FBXL17: variants seen among roughly 807,000 people sequenced by gnomAD.
FBXL17 encodes F-box and leucine rich repeat protein 17, also known as F-box/LRR-repeat protein 17.
FBXL17 carries 22 observed loss-of-function variants against 66.2 expected under a neutral mutation model. That is an observed-to-expected ratio of 0.33 (90% confidence interval 0.24 to 0.47). FBXL17 has a LOEUF of 0.47. FBXL17 is among the 20% of genes least tolerant of loss of function. FBXL17 has a pLI of 1.00. For synonymous variants in FBXL17, 474 were observed against 400.5 expected (o/e 1.18, Z -2.19); for missense variants, 878 against 948.2 (o/e 0.93, Z 0.97).
At chr5:108,269,008 A>C (rs1206320098) in intron 4 of FBXL17, among the ~76,000 whole-genome samples, 2 of 150,970 alleles carry the variant, frequency 1.3e-5, no homozygotes, top group Non-Finnish European at 3.0e-5. Context: ...AAATATAACA[A>C]AGCAAAGGGA....
At chr5:107,935,039 G>A (rs537634353) in intron 7 of FBXL17, among the ~76,000 whole-genome samples, 1 of 152,008 alleles carries the variant, frequency 6.6e-6, no homozygotes, top group African/African-American at 2.4e-5. Flanking sequence ...GAAAAGAATG[G>A]TCTGTAGATC....
At chr5:108,087,410 G>A (rs80312513) in intron 6 of FBXL17, among the ~76,000 whole-genome samples, 1,998 of 152,112 alleles carry the variant, frequency 0.013, 49 homozygotes, top group African/African-American at 0.046. Flanking sequence ...TGAGTGAGGC[G>A]GAGCATAAAC....
intron 7 of FBXL17, among the ~76,000 whole-genome samples, chr5:107,920,185 T>C (rs1750264950): frequency 6.6e-6 from 1 of 152,202 alleles, no homozygotes; most frequent in South Asian, 2.1e-4. Context: ...ATCACATTCA[T>C]ATTGAAACTG....
chr5:108,142,577 G>A (rs780989633), intron 6 of FBXL17, among the ~76,000 whole-genome samples: 19 of 152,010 alleles, frequency 1.2e-4, no homozygotes, highest in South Asian at 2.1e-4. Context: ...TGATTTTTTC[G>A]CCTAGAGCCT....
chr5:108,164,393 T>G (rs2150010042), intron 6 of FBXL17, among the ~76,000 whole-genome samples: 1 of 152,292 alleles, frequency 6.6e-6, no homozygotes, highest in East Asian at 1.9e-4. Flanking sequence ...ATTTGGTAAT[T>G]AACGATGTCT....
chr5:108,205,635 T>C (rs1437995741), intron 5 of FBXL17, among the ~76,000 whole-genome samples: 3 of 152,170 alleles, frequency 2.0e-5, no homozygotes, highest in Non-Finnish European at 2.9e-5. Flanking sequence ...ATTTAGCTGA[T>C]TGTCTTTTTG....
intron 7 of FBXL17, among the ~76,000 whole-genome samples, chr5:107,985,501 C>G (rs1391539681): frequency 2.0e-5 from 3 of 152,216 alleles, no homozygotes; most frequent in Admixed American, 2.0e-4. Context: ...TCTATTCTCT[C>G]TATGCCTATG....
At chr5:108,154,604 A>T (rs867845307) in intron 6 of FBXL17, among the ~76,000 whole-genome samples, 2,783 of 72,326 alleles carry the variant, frequency 0.038, 42 homozygotes, top group Middle Eastern at 0.048. Context: ...AAAAAAAAAA[A>T]AAATATATAT....
chr5:107,987,991 G>T (rs963993274), intron 7 of FBXL17, among the ~76,000 whole-genome samples: 1 of 151,756 alleles, frequency 6.6e-6, no homozygotes, highest in Non-Finnish European at 1.5e-5. Flanking sequence ...GAGTACTGTT[G>T]GATTTATTTT....
chr5:108,016,542 C>T (rs1668671071), intron 7 of FBXL17, among the ~76,000 whole-genome samples: 1 of 152,176 alleles, frequency 6.6e-6, no homozygotes, highest in African/African-American at 2.4e-5. Flanking sequence ...CATTTTACAA[C>T]TGCCCCCTGA....
At position 108,349,834 on chromosome 5, in the gene FBXL17, A is replaced by C. The variant is rs560373371; in HGVS notation, c.1375-1304T>G. 3.0e-3 allele frequency among the ~76,000 whole-genome samples: 453 copies of C among 152,258 alleles called. 2 individuals carry two copies. Among genetic ancestry groups the C allele is most frequent in the African/African-American group, 0.01 (435 of 41,554 alleles). On this transcript the variant is annotated intron_variant, in intron 3 of 8. Transcript: ENST00000542267. ...GGAGAGAATTCAGGGGTTCCAGGAAAGCAGATTTTTTAAAAGTGCATGTTC... is the reference window on the plus strand; with the variant it reads ...GGAGAGAATTCAGGGGTTCCAGGAACGCAGATTTTTTAAAAGTGCATGTTC...
chr5:107,863,458 C>G (rs1042408524), intron 8 of FBXL17, among the ~76,000 whole-genome samples: 1 of 151,240 alleles, frequency 6.6e-6, no homozygotes, highest in Admixed American at 6.6e-5. Flanking sequence ...TCTTTGAGTT[C>G]TTAGCTTCAA....
intron 6 of FBXL17, among the ~76,000 whole-genome samples, chr5:108,042,051 G>T (rs192792146): frequency 6.6e-6 from 1 of 151,948 alleles, no homozygotes; most frequent in South Asian, 2.1e-4. Flanking sequence ...ATGTGCCACC[G>T]TGCTCGGCTA....
Position 108,100,988 on chromosome 5 carries a change from A to G in FBXL17, c.1746-79987T>C, listed in dbSNP as rs536278986. On this transcript the variant is annotated intron_variant, in intron 6 of 8. Transcript: ENST00000542267. ...GCAAAAAAAAATTTGTGATTACCAC[A>G]GCTTTCAGAGGGAAGACCTTTTGAG... is the stretch of plus-strand genomic sequence containing the variant. Among the ~76,000 whole-genome samples, 9 of 152,350 alleles carry G rather than the reference A, an allele frequency of 5.9e-5. 1 individual carries two copies. In the South Asian group the frequency reaches 1.9e-3, roughly 32 times the overall value.
At chr5:108,194,739 C>T in intron 5 of FBXL17, among the ~76,000 whole-genome samples, 1 of 152,132 alleles carries the variant, frequency 6.6e-6, no homozygotes, top group East Asian at 1.9e-4. Flanking sequence ...TTAAATGTTT[C>T]CTGAGCACCT....
chr5:108,285,455 G>A (rs564674486), intron 4 of FBXL17, among the ~76,000 whole-genome samples: 9 of 151,968 alleles, frequency 5.9e-5, no homozygotes, highest in African/African-American at 1.9e-4. Context: ...AACAATAAGA[G>A]TTGAAAGTCT....
At chr5:107,971,399 G>T (rs927711566) in intron 7 of FBXL17, among the ~76,000 whole-genome samples, 13 of 152,124 alleles carry the variant, frequency 8.5e-5, no homozygotes, top group African/African-American at 2.9e-4. Flanking sequence ...TTTTCAAGGC[G>T]CACTGCCACA....
chr5:108,334,289 C>T (rs1278362596), intron 4 of FBXL17, among the ~76,000 whole-genome samples: 1 of 152,192 alleles, frequency 6.6e-6, no homozygotes, highest in African/African-American at 2.4e-5. Flanking sequence ...AAGGACTATT[C>T]CCTTCAGTGA....
intron 4 of FBXL17, among the ~76,000 whole-genome samples, chr5:108,331,400 C>A (rs1029726279): frequency 6.6e-6 from 1 of 152,084 alleles, no homozygotes; most frequent in African/African-American, 2.4e-5. Context: ...AAACTGTGTA[C>A]GAGATAAATA....
Sources: gnomAD v4.1 joint callset for allele counts (sites outside exome capture counted in the v4.1 genomes callset) on GRCh38, gnomAD v4.1.1 for gene constraint, MANE v1.5 for transcripts, NCBI Gene and HGNC (gene_info 2026-07-23, HGNC 2026-07-21) for gene names.